Variants in CAPZA2 observed in about 807,000 individuals in gnomAD.
CAPZA2 encodes capping actin protein of muscle Z-line subunit alpha 2.
A neutral mutation model predicts 44.0 loss-of-function variants in CAPZA2; 13 were observed. That is an observed-to-expected ratio of 0.30 (90% CI 0.19 to 0.47). The LOEUF (loss-of-function observed/expected upper bound fraction) is 0.47. Ranked by LOEUF, CAPZA2 falls within the 20% of genes least tolerant of loss-of-function variation. The pLI, the probability that CAPZA2 is intolerant of heterozygous loss-of-function variation, is 1.00. For missense variants in CAPZA2, 244 were observed against 338.6 expected, an observed-to-expected ratio of 0.72 and a Z score of 2.19; for synonymous variants, 94 against 108.2, an observed-to-expected ratio of 0.87 and a Z score of 0.81.
intron 1 of CAPZA2, among the ~76,000 whole-genome samples, chr7:116,884,067 G>A (rs1057494783): frequency 6.6e-6 from 1 of 151,988 alleles, no homozygotes; most frequent in African/African-American, 2.4e-5. Flanking sequence ...GGCAGAAAGG[G>A]GATAAGGAAA....
intron 4 of CAPZA2, among the ~76,000 whole-genome samples, chr7:116,903,243 T>A (rs867074840): frequency 0.011 from 1,681 of 151,224 alleles, 34 homozygotes; most frequent in African/African-American, 0.038. Flanking sequence ...AGTGTGTGTG[T>A]GTGTGTGTGT....
intron 6 of CAPZA2, among the ~76,000 whole-genome samples, chr7:116,907,063 A>G (rs988086425): frequency 6.6e-6 from 1 of 152,234 alleles, no homozygotes; most frequent in East Asian, 1.9e-4. Flanking sequence ...AAGTATGGTC[A>G]TAATATTTAC....
chr7:116,914,865 T>G (rs1791658525), intron 8 of CAPZA2, among the ~76,000 whole-genome samples: 3 of 152,374 alleles, frequency 2.0e-5, no homozygotes, highest in South Asian at 4.1e-4. Context: ...CTTACTAATG[T>G]CTGATTTTCC....
intron 6 of CAPZA2, chr7:116,906,557 GTA>G (rs1791515799): frequency 6.7e-6 from 5 of 747,344 alleles, no homozygotes; most frequent in Non-Finnish European, 7.7e-6. Context: ...AGTGGAAAGA[GTA>G]TGGGACTAGC....
At chr7:116,879,175 T>C (rs1796658637) in intron 1 of CAPZA2, among the ~76,000 whole-genome samples, 1 of 144,448 alleles carries the variant, frequency 6.9e-6, no homozygotes, top group African/African-American at 2.6e-5. Flanking sequence ...ACTATGCTAA[T>C]GCAGGCATAC....
chr7:116,874,659 A>T (rs1300184904), intron 1 of CAPZA2: 1 of 152,246 alleles, frequency 6.6e-6, no homozygotes, highest in Non-Finnish European at 1.5e-5. Context: ...TGACAAAAAG[A>T]AAGTAGTGCA....
chr7:116,879,124 C>CAAAAAAAAAAAAAAA (rs71148337), intron 1 of CAPZA2, among the ~76,000 whole-genome samples: 2 of 45,302 alleles, frequency 4.4e-5, no homozygotes, highest in Non-Finnish European at 4.4e-5. Context: ...AACTCTGTCT[C>CAAAAAAAAAAAAAAA]AAAAAAAAAA....
chr7:116,912,366 T>C (rs772528558), intron 8 of CAPZA2, among the ~76,000 whole-genome samples: 2 of 150,844 alleles, frequency 1.3e-5, no homozygotes, highest in Admixed American at 6.6e-5. Context: ...ATTTTTCTCT[T>C]TTTTTTTTGT....
chr7:116,863,517 A>T (rs565964574), intron 1 of CAPZA2, among the ~76,000 whole-genome samples: 1 of 152,364 alleles, frequency 6.6e-6, no homozygotes, highest in African/African-American at 2.4e-5. Flanking sequence ...GTTCTCAGAT[A>T]TTTAAAACGA....
At chr7:116,891,877 T>C (rs908226369) in intron 2 of CAPZA2, among the ~76,000 whole-genome samples, 1 of 152,180 alleles carries the variant, frequency 6.6e-6, no homozygotes, top group East Asian at 1.9e-4. Flanking sequence ...AGGCAGTGGG[T>C]TTTTTCTTTT....
rs1332523193 is a variant in CAPZA2 at position 116,907,198 on chromosome 7, A to G, written c.506+856A>G. ...CCCAAGGTTGCTCCACTGCTTAGCC[A>G]TCTCAGAAATAAATGCAGGGTTGCA... is the stretch of plus-strand genomic sequence containing the variant. On this transcript the variant is annotated intron_variant, in intron 6 of 9. Coordinates refer to ENST00000361183, the MANE Select transcript of CAPZA2 (RefSeq NM_006136.3). Among the ~76,000 whole-genome samples the G allele has an allele frequency of 2.6e-5, 4 of 152,224 alleles. No homozygotes were observed. In the East Asian group the frequency reaches 7.7e-4, roughly 29 times the overall value.
chr7:116,917,958 T>TG lies in CAPZA2; in HGVS notation c.*94dup. The TG allele has an allele frequency of 1.0e-6, 1 of 985,850 alleles. No homozygotes were observed. The highest frequency in any genetic ancestry group is 1.9e-5 in the Admixed American group (1 of 51,312). 61.1% of individuals were successfully genotyped at this position (985,850 alleles called of 1,614,324 possible). On this transcript the variant is annotated 3_prime_UTR_variant, in exon 10 of 10. Coordinates refer to ENST00000361183, the MANE Select transcript of CAPZA2 (RefSeq NM_006136.3). ...TGAACTGTCAAGCTGCCCAGTCAGA[T>TG]GGGCTGTTGCCATTTAAAATCACTG...
intron 1 of CAPZA2, among the ~76,000 whole-genome samples, chr7:116,887,814 CAG>C: frequency 6.6e-6 from 1 of 152,206 alleles, no homozygotes. Flanking sequence ...GCCTGCGTAA[CAG>C]AGTGAGACTC....
chr7:116,905,797 C>T (rs866722335), intron 5 of CAPZA2, among the ~76,000 whole-genome samples: 22 of 152,288 alleles, frequency 1.4e-4, no homozygotes, highest in Middle Eastern at 3.4e-3. Context: ...CAGGCATTCT[C>T]TTAACGACCT....
At chr7:116,881,461 T>C (rs1226438658) in intron 1 of CAPZA2, among the ~76,000 whole-genome samples, 5 of 152,064 alleles carry the variant, frequency 3.3e-5, no homozygotes, top group African/African-American at 1.2e-4. Context: ...ATTATCAGGC[T>C]GGGCACAGTG....
At chr7:116,900,541 G>T (rs1267445385) in intron 4 of CAPZA2, among the ~76,000 whole-genome samples, 4 of 151,938 alleles carry the variant, frequency 2.6e-5, no homozygotes, top group Admixed American at 1.3e-4. Context: ...GGGTCAGAGT[G>T]GGCCAGGGAA....
intron 3 of CAPZA2, among the ~76,000 whole-genome samples, chr7:116,895,606 A>T (rs1431548403): frequency 6.6e-6 from 1 of 151,980 alleles, no homozygotes; most frequent in Non-Finnish European, 1.5e-5. Context: ...ACTCATCAAA[A>T]CCTTTACTAG....
At chr7:116,879,124 CAAAAAAAAAAAAAA>C (rs71148337) in intron 1 of CAPZA2, among the ~76,000 whole-genome samples, 1 of 45,304 alleles carries the variant, frequency 2.2e-5, no homozygotes, top group African/African-American at 7.3e-5. Flanking sequence ...AACTCTGTCT[CAAAAAAAAAAAAAA>C]AAAAAAAAAA....
intron 1 of CAPZA2, among the ~76,000 whole-genome samples, chr7:116,887,083 A>T (rs543454446): frequency 1.3e-5 from 2 of 152,010 alleles, no homozygotes; most frequent in African/African-American, 4.8e-5. Flanking sequence ...CTTTTTTTCT[A>T]CATGTTTTAC....
Sources: allele counts gnomAD v4.1 joint callset (sites outside exome capture counted in the v4.1 genomes callset), GRCh38; gene constraint gnomAD v4.1.1; transcripts MANE v1.5; gene names NCBI Gene and HGNC (gene_info 2026-07-23, HGNC 2026-07-21).